Variants in TUBGCP5 observed in about 807,000 individuals in gnomAD.
The protein encoded by TUBGCP5 is tubulin gamma complex component 5, also known as gamma-tubulin complex component 5.
In TUBGCP5, 98 loss-of-function variants were observed where a neutral mutation model predicts 134.7. The ratio of observed to expected loss-of-function variants is 0.73; its 90% CI spans 0.62 to 0.86. The LOEUF (loss-of-function observed/expected upper bound fraction) is 0.86, where lower values mean the gene tolerates loss of function less well. Among genes scored for constraint, TUBGCP5 ranks in the 40% least tolerant of loss-of-function variants. The pLI is 0.00. For missense variants in TUBGCP5, 1,150 were observed against 1,244.8 expected (o/e 0.92, Z 1.15); for synonymous variants, 456 against 431.4 (o/e 1.06, Z -0.71).
At chr15:23,037,486 C>G (rs1480853022) in intron 1 of TUBGCP5, among the ~76,000 whole-genome samples, 1 of 151,794 alleles carries the variant, frequency 6.6e-6, no homozygotes, top group Non-Finnish European at 1.5e-5. Context: ...TAGTGAGGCC[C>G]GGTGAAGCCT....
Position 23,026,175 on chromosome 15 carries a change from C to G in TUBGCP5, c.768G>C (p.Leu256Phe). 1 of 1,612,666 alleles carries G rather than the reference C, an allele frequency of 6.2e-7. No individual in the cohort carries two copies. The highest frequency in any genetic ancestry group is 8.5e-7 in the Non-Finnish European group (1 of 1,179,606). The change falls in exon 8 of 23, where the codon TTG becomes TTC. Residue 256 changes from leucine (L) to phenylalanine (F), a missense_variant. Physicochemically the swap from Leu to Phe is conservative, Grantham distance 22. Transcript: ENST00000615383. ...CCAAAACCCTGTCATCTGGAACATA[C>G]AATGGATCACTGCTGTACAAGTGTT... is the stretch of plus-strand genomic sequence containing the variant. ...WDQHLYSSDP[L>F]YVPDDRVLVT...
downstream of TUBGCP5, chr15:22,983,158 A>G (rs997913607): frequency 2.0e-5 from 3 of 152,240 alleles, no homozygotes; most frequent in African/African-American, 7.2e-5. Context: ...TACAGAATGC[A>G]TTGTACGGAA....
intron 1 of TUBGCP5, among the ~76,000 whole-genome samples, chr15:23,037,977 G>C (rs1201287405): frequency 6.6e-6 from 1 of 152,094 alleles, no homozygotes. Flanking sequence ...TGTTAGCCAG[G>C]ATAGTCTCGA....
chr15:23,017,797 T>A lies in TUBGCP5; in HGVS notation c.1732A>T (p.Thr578Ser). The change falls in exon 13 of 23, where the codon ACC (threonine) becomes TCC (serine). Residue 578 changes from threonine to serine, a missense_variant. Thr to Ser is a moderately conservative substitution (Grantham distance 58, BLOSUM62 1). This residue lies in a region of TUBGCP5 where 697 missense variants were observed against 850.1 expected (regional missense o/e 0.82). Transcript: ENST00000615383. ...CCTCTGGCTCCTGCCTGGCAGGTGG[T>A]GCTCTCCGCACACTGCAGGTTCTTC... ...LLKNLQCAESTTCQAGARDAE... is the reference protein window; with the variant it reads ...LLKNLQCAESSTCQAGARDAE... 1 of 1,613,696 alleles carries A rather than the reference T, an allele frequency of 6.2e-7. No homozygotes were observed. Among genetic ancestry groups the A allele is most frequent in the Non-Finnish European group, 8.5e-7 (1 of 1,179,748 alleles).
chr15:23,005,368 A>C, intron 19 of TUBGCP5, 64 bp downstream of exon 19: 1 of 1,538,288 alleles, frequency 6.5e-7, no homozygotes, highest in Non-Finnish European at 8.8e-7. Flanking sequence ...TAGTATGAGT[A>C]ATTCTCTACG....
At chr15:23,005,685 GA>G (rs1402873721) in intron 18 of TUBGCP5, 75 bp from the exon 19 acceptor site, 7 of 1,456,758 alleles carry the variant, frequency 4.8e-6, no homozygotes, top group Middle Eastern at 2.0e-4. Context: ...ACGCCTGGCA[GA>G]AACACTGACG....
intron 11 of TUBGCP5, among the ~76,000 whole-genome samples, chr15:23,020,323 T>A (rs11855251): frequency 0.29 from 44,078 of 151,356 alleles, 6,860 homozygotes; most frequent in South Asian, 0.36. Context: ...AGGAGAATAG[T>A]TTGAACCCAG....
At chr15:23,000,805 A>G (rs1285222721) in intron 21 of TUBGCP5, 136 bp from the exon 22 acceptor site, 1 of 652,020 alleles carries the variant, frequency 1.5e-6, no homozygotes, top group Non-Finnish European at 2.5e-6. Context: ...TATAAAATAA[A>G]ACACATAACG....
chr15:23,022,454 A>G (rs867096317), intron 10 of TUBGCP5, among the ~76,000 whole-genome samples: 4 of 152,356 alleles, frequency 2.6e-5, no homozygotes, highest in Middle Eastern at 3.4e-3. Context: ...ACTTATAATA[A>G]AAGAACGCAA....
At chr15:23,029,021 T>C (rs1191906017) in intron 6 of TUBGCP5, among the ~76,000 whole-genome samples, 2 of 152,148 alleles carry the variant, frequency 1.3e-5, no homozygotes, top group Admixed American at 6.6e-5. Context: ...AGAGGCAACA[T>C]TCACAAAAAT....
chr15:22,996,518 C>A (rs926776572), downstream of TUBGCP5, among the ~76,000 whole-genome samples: 3 of 152,102 alleles, frequency 2.0e-5, no homozygotes, highest in African/African-American at 7.2e-5. Context: ...CAGAGTCTTG[C>A]TCTGTCACCC....
At chr15:23,022,288 T>A (rs2065750371) in intron 10 of TUBGCP5, 127 bp from the exon 11 acceptor site, 2 of 903,768 alleles carry the variant, frequency 2.2e-6, no homozygotes, top group Admixed American at 2.1e-5. Flanking sequence ...TGGATTTTAA[T>A]CTCATACCAC....
At chr15:22,989,870 A>G (rs754246986) in intron 23 of TUBGCP5, among the ~76,000 whole-genome samples, 2 of 152,194 alleles carry the variant, frequency 1.3e-5, no homozygotes, top group Non-Finnish European at 2.9e-5. Flanking sequence ...TCTCACTCAC[A>G]TCACAGCCTC....
intron 9 of TUBGCP5, 52 bp from the exon 10 acceptor site, chr15:23,024,245 C>G: frequency 6.3e-7 from 1 of 1,581,808 alleles, no homozygotes; most frequent in Non-Finnish European, 8.6e-7. Flanking sequence ...TGTAAACATT[C>G]AAATTCATTT....
At chr15:23,033,377 C>A (rs2066419765) in intron 3 of TUBGCP5, among the ~76,000 whole-genome samples, 1 of 151,994 alleles carries the variant, frequency 6.6e-6, no homozygotes, top group African/African-American at 2.4e-5. Flanking sequence ...TCCCCTGGTT[C>A]AAGTGATTCT....
chr15:23,025,088 T>C (rs994985609), intron 8 of TUBGCP5, among the ~76,000 whole-genome samples: 2 of 152,000 alleles, frequency 1.3e-5, no homozygotes, highest in Non-Finnish European at 1.5e-5. Flanking sequence ...TTTTTGTAGA[T>C]ACGGGGTTTC....
intron 14 of TUBGCP5, among the ~76,000 whole-genome samples, chr15:23,010,826 A>T (rs2064994554): frequency 6.6e-6 from 1 of 151,968 alleles, no homozygotes; most frequent in Admixed American, 6.6e-5. Context: ...AAAAAATACA[A>T]AAATTAGCGG....
At chr15:23,015,858 GA>G (rs1430264141) in intron 13 of TUBGCP5, among the ~76,000 whole-genome samples, 1 of 152,092 alleles carries the variant, frequency 6.6e-6, no homozygotes, top group East Asian at 1.9e-4. Flanking sequence ...CCATTCATAT[GA>G]ATAACTCTTT....
At chr15:23,001,535 G>A (rs1362060568) in intron 21 of TUBGCP5, among the ~76,000 whole-genome samples, 1 of 151,670 alleles carries the variant, frequency 6.6e-6, no homozygotes, top group African/African-American at 2.4e-5. Context: ...TAGAGATGGA[G>A]TTTCTCCATG....
Sources: allele counts gnomAD v4.1 joint callset (sites outside exome capture counted in the v4.1 genomes callset), GRCh38; gene constraint gnomAD v4.1.1; regional missense constraint gnomAD v4.1.1; transcripts MANE v1.5; gene names NCBI Gene and HGNC (gene_info 2026-07-23, HGNC 2026-07-21).